C8B: variants seen among roughly 807,000 people sequenced by gnomAD.
C8B encodes complement component C8 beta chain.
A neutral mutation model predicts 64.6 loss-of-function variants in C8B; 67 were observed. That is an observed-to-expected ratio of 1.04 (90% CI 0.85 to 1.27). The LOEUF is 1.27. C8B is among the 50% of genes most tolerant of loss of function. The pLI, the probability that C8B is intolerant of heterozygous loss-of-function variation, is 0.00. For synonymous variants in C8B, 284 were observed against 257.7 expected (o/e 1.10, Z -0.98); for missense variants, 790 against 725.2 (o/e 1.09, Z -1.03).
rs145904606 is a variant in C8B, at chr1:56,963,846, C to T, written c.92+2011G>A. 3.0e-4 allele frequency: 293 copies of T among 985,106 alleles called. No homozygotes were observed. The African/African-American group carries it at 4.1e-3, about 14-fold the overall frequency. The allele number at this position is 985,106 out of a possible 1,614,324, so 61.0% of individuals were successfully genotyped here. The stretch of plus-strand genomic sequence containing the variant: ...GAGTGGCAATACATAATAGGTCTTA[C>T]GACACAGTGATTGTGATTTCATCAT... On this transcript the variant is annotated intron_variant, in intron 1 of 11. Coordinates refer to ENST00000371237, the MANE Select transcript of C8B (RefSeq NM_000066.4).
chr1:56,950,859 G>T (rs1030634579), intron 5 of C8B, among the ~76,000 whole-genome samples: 1 of 152,202 alleles, frequency 6.6e-6, no homozygotes, highest in Non-Finnish European at 1.5e-5. Flanking sequence ...GGAGAGCGGA[G>T]AGTTTACCAT....
intron 6 of C8B, among the ~76,000 whole-genome samples, chr1:56,947,066 T>C (rs1570389679): frequency 6.6e-6 from 1 of 152,206 alleles, no homozygotes. Flanking sequence ...AGGTTGCATC[T>C]CATTTTGTTT....
intron 2 of C8B, among the ~76,000 whole-genome samples, chr1:56,958,039 C>T (rs1300236528): frequency 2.0e-5 from 3 of 152,014 alleles, no homozygotes; most frequent in South Asian, 2.1e-4. Flanking sequence ...GAAGGTTTCC[C>T]GTGTTCCAGA....
rs548810629 is a variant in C8B at position 56,953,256 on chromosome 1, T to C, written c.534-1076A>G. Among the ~76,000 whole-genome samples, 6 of 152,340 alleles carry C rather than the reference T, an allele frequency of 3.9e-5. No individual in the cohort carries two copies. The East Asian group carries it at 7.7e-4, about 20-fold the overall frequency. On this transcript the variant is annotated intron_variant, in intron 4 of 11. Transcript: ENST00000371237. The stretch of plus-strand genomic sequence containing the variant: ...TCTGTCTCCTATCAGCTTCCACTTA[T>C]TGGCCTTGGTTCTGTTCCTCACCAG...
chr1:56,945,716 T>C lies in C8B; in HGVS notation c.1105+105A>G, dbSNP rs1466030326. 5.0e-6 allele frequency: 7 copies of C among 1,393,452 alleles called. No individual in the cohort carries two copies. The Admixed American group carries it at 6.7e-5, about 13-fold the overall frequency. The allele number at this position is 1,393,452 out of a possible 1,614,324, so 86.3% of individuals were successfully genotyped here. A position where few individuals can be genotyped will look rare whatever the true frequency, so the allele number is the denominator to read the frequency against. On this transcript the variant is annotated intron_variant, in intron 7 of 11. Transcript: ENST00000371237. The stretch of plus-strand genomic sequence containing the variant: ...AAGAAGAGGAAGAGGAATCTGCAAA[T>C]GACACTGTGAAGGTGTAGCCAGGAA...
intron 10 of C8B, 135 bp downstream of exon 10, chr1:56,933,200 A>T (rs767241606): frequency 3.7e-5 from 29 of 786,224 alleles, no homozygotes; most frequent in Non-Finnish European, 6.3e-5. Context: ...ACCCAGGTAT[A>T]CTGACAGCCA....
At chr1:56,932,004 G>A (rs1334722525) in intron 10 of C8B, 126 bp from the exon 11 acceptor site, 20 of 712,370 alleles carry the variant, frequency 2.8e-5, no homozygotes, top group Non-Finnish European at 4.7e-5. Context: ...TAAATGGCTT[G>A]CTATAGGCAG....
At position 56,945,898 on chromosome 1, in the gene C8B, T is replaced by C; in HGVS notation, c.1028A>G (p.His343Arg). 6.2e-7 allele frequency: 1 copy of C among 1,614,154 alleles called. No individual in the cohort carries two copies. Among genetic ancestry groups the C allele is most frequent in the Non-Finnish European group, 8.5e-7 (1 of 1,180,016 alleles). Reference sequence around the variant, plus strand: ...CCCAAGCACAGCCTCTGTGATGTAGTGGGTCCCAAAATCACGGAAGAGATC... The same window carrying C: ...CCCAAGCACAGCCTCTGTGATGTAGCGGGTCCCAAAATCACGGAAGAGATC... ...YRDLFRDFGTHYITEAVLGGI... is the reference protein window; with the variant it reads ...YRDLFRDFGTRYITEAVLGGI... The change falls in exon 7 of 12, where the codon CAC becomes CGC. Residue 343 changes from histidine to arginine, a missense_variant. Coordinates refer to ENST00000371237, the MANE Select transcript of C8B (RefSeq NM_000066.4).
chr1:56,940,962 C>T lies in C8B; in HGVS notation c.1285G>A (p.Gly429Arg). 7 of 1,613,900 alleles carry T rather than the reference C, an allele frequency of 4.3e-6. No homozygotes were observed. The highest frequency in any genetic ancestry group is 5.9e-6 in the Non-Finnish European group (7 of 1,179,962). ...MVEDLVVLVR[G>R]GASEHITTLA... ...GTGGTGATGTGCTCACTTGCCCCTC[C>T]TCGTACCAGGACCACCAAGTCCTCC... The change falls in exon 9 of 12, where the codon GGA becomes AGA. Residue 429 changes from glycine (G) to arginine (R), a missense_variant. Physicochemically the swap from Gly to Arg is moderately radical, Grantham distance 125 (BLOSUM62 -2). Transcript: ENST00000371237.
chr1:56,929,654 G>A, intron 11 of C8B, 96 bp from the exon 12 acceptor site: 1 of 1,197,868 alleles, frequency 8.3e-7, no homozygotes, highest in Non-Finnish European at 1.2e-6. Context: ...AAGGCTTTGG[G>A]AGTCTGAATC....
intron 4 of C8B, among the ~76,000 whole-genome samples, chr1:56,954,087 A>T (rs1160799315): frequency 6.6e-6 from 1 of 152,002 alleles, no homozygotes; most frequent in Non-Finnish European, 1.5e-5. Flanking sequence ...TCCCTCTTCC[A>T]CCTGCAGGCT....
At position 56,958,069 on chromosome 1, in the gene C8B, T is replaced by C. The variant is rs549713936; in HGVS notation, c.250-1159A>G. Among the ~76,000 whole-genome samples, 4 of 152,168 alleles carry C rather than the reference T, an allele frequency of 2.6e-5. No individual in the cohort carries two copies. The East Asian group carries it at 7.7e-4, about 29-fold the overall frequency. ...TCCAGAAAACATTAAAAAGATTCAT[T>C]GTGGCTGGGGAGAAGAGCACAAGTA... On this transcript the variant is annotated intron_variant, in intron 2 of 11. Transcript: ENST00000371237.
chr1:56,963,777 A>G (rs75060033), intron 1 of C8B: 3 of 735,246 alleles, frequency 4.1e-6, no homozygotes, highest in Non-Finnish European at 5.0e-6. Flanking sequence ...CTTACCTGGA[A>G]TAGCTGTGAG....
chr1:56,940,868 G>A lies in C8B; in HGVS notation c.1379C>T (p.Pro460Leu), dbSNP rs1376461725. The A allele has an allele frequency of 1.9e-6, 3 of 1,613,986 alleles. No homozygotes were observed. The South Asian group carries it at 3.3e-5, about 18-fold the overall frequency. ...QEWGDAVQYNPAIIKVKVEPL... is the reference protein window; with the variant it reads ...QEWGDAVQYNLAIIKVKVEPL... ...GTGTACCTTAACTTTGATGATGGCT[G>A]GGTTGTACTGCACAGCGTCTCCCCA... The change falls in exon 9 of 12, where the codon CCA becomes CTA. Residue 460 changes from proline to leucine, a missense_variant. By Grantham distance (98) the Pro-to-Leu change is moderately conservative. Coordinates refer to ENST00000371237, the MANE Select transcript of C8B (RefSeq NM_000066.4).
intron 11 of C8B, chr1:56,931,506 G>A (rs1228164979): frequency 8.2e-6 from 3 of 367,092 alleles, no homozygotes; most frequent in Non-Finnish European, 1.6e-5. Flanking sequence ...GGGCTGAATA[G>A]CAGTATACTA....
In C8B at chr1:56,931,785, A is replaced by G. The variant is rs1415194056; in HGVS notation, c.1621+25T>C. On this transcript the variant is annotated intron_variant, in intron 11 of 11. Transcript: ENST00000371237. ...GGTGAATTATTCTCTGGACCTCCCCAGAGTTCCTTTTCCAATTAACTTACT... is the reference window on the plus strand; with the variant it reads ...GGTGAATTATTCTCTGGACCTCCCCGGAGTTCCTTTTCCAATTAACTTACT... 3 of 1,539,594 alleles carry G rather than the reference A, an allele frequency of 1.9e-6. No homozygotes were observed. The South Asian group carries it at 3.4e-5, about 17-fold the overall frequency.
chr1:56,943,634 C>A (rs1276463459), intron 8 of C8B, 62 bp downstream of exon 8: 2 of 1,598,854 alleles, frequency 1.3e-6, no homozygotes, highest in South Asian at 1.1e-5. Context: ...GTGTTGTAAT[C>A]ACCAGAGGCA....
rs1434881968 is a variant in C8B at position 56,943,688 on chromosome 1, T to A, written c.1234+8A>T. 6.2e-7 allele frequency: 1 copy of A among 1,613,860 alleles called. No homozygotes were observed. Among genetic ancestry groups the A allele is most frequent in the Non-Finnish European group, 8.5e-7 (1 of 1,179,882 alleles). ...TAAGTGTGGAAGTCACAAGCCCCTG[T>A]CACTCACCTTTTATTTCATTCAGAA... is the stretch of plus-strand genomic sequence containing the variant. On this transcript the variant is annotated splice_region_variant and intron_variant, in intron 8 of 11. Transcript: ENST00000371237.
chr1:56,955,589 A>G (rs1025500617), intron 3 of C8B, among the ~76,000 whole-genome samples: 1 of 152,220 alleles, frequency 6.6e-6, no homozygotes, highest in Non-Finnish European at 1.5e-5. Flanking sequence ...AAGCAGAAAA[A>G]TAGCAATCTG....
Sources: allele counts gnomAD v4.1 joint callset (sites outside exome capture counted in the v4.1 genomes callset), GRCh38; gene constraint gnomAD v4.1.1; transcripts MANE v1.5; gene names NCBI Gene and HGNC (gene_info 2026-07-23, HGNC 2026-07-21).